Variants in ADAMTS17 observed in about 807,000 individuals in gnomAD.
ADAMTS17 encodes A disintegrin and metalloproteinase with thrombospondin motifs 17.
In ADAMTS17, 113 loss-of-function variants were observed where a neutral mutation model predicts 141.5. The ratio of observed to expected loss-of-function variants is 0.80; its 90% CI spans 0.69 to 0.93. The LOEUF (loss-of-function observed/expected upper bound fraction) is 0.93. Ranked by LOEUF, ADAMTS17 falls within the 40% of genes least tolerant of loss-of-function variation. The probability of loss-of-function intolerance (pLI) is 0.00; values close to 1 mark genes in which losing one functional copy is unlikely to be tolerated. For synonymous variants in ADAMTS17, 768 were observed against 630.6 expected (o/e 1.22, Z -3.27); for missense variants, 1,659 against 1,517.9 (o/e 1.09, Z -1.54).
chr15:100,255,976 G>C (rs547385646), intron 6 of ADAMTS17, among the ~76,000 whole-genome samples: 27 of 152,342 alleles, frequency 1.8e-4, no homozygotes, highest in Middle Eastern at 3.4e-3. Flanking sequence ...CTCAGTTAGA[G>C]GCCTGTCTTG....
chr15:100,338,398 C>CT (rs2046269017), intron 2 of ADAMTS17, among the ~76,000 whole-genome samples: 1 of 152,216 alleles, frequency 6.6e-6, no homozygotes, highest in Admixed American at 6.5e-5. Flanking sequence ...ACACTCTCTA[C>CT]TGAGCCCTTT....
At chr15:100,084,760 C>T (rs8037234) in intron 15 of ADAMTS17, among the ~76,000 whole-genome samples, 49,898 of 152,056 alleles carry the variant, frequency 0.33, 10,507 homozygotes, top group East Asian at 0.58. Flanking sequence ...CAGCAAAATC[C>T]AACAGACCTG....
chr15:100,210,033 G>A (rs1013481565), intron 7 of ADAMTS17, among the ~76,000 whole-genome samples: 1 of 152,030 alleles, frequency 6.6e-6, no homozygotes, highest in African/African-American at 2.4e-5. Flanking sequence ...AGGAGATCAA[G>A]ACCATCCTGG....
At chr15:100,128,277 G>T (rs9672401) in intron 12 of ADAMTS17, 1 of 152,068 alleles carries the variant, frequency 6.6e-6, no homozygotes, top group African/African-American at 2.4e-5. Context: ...CAGGCCCACA[G>T]CTAGCAGAGT....
intron 18 of ADAMTS17, among the ~76,000 whole-genome samples, chr15:100,025,339 T>G (rs2061487561): frequency 6.6e-6 from 1 of 151,994 alleles, no homozygotes; most frequent in Admixed American, 6.6e-5. Flanking sequence ...TTCTTTTAGG[T>G]GTGTTTTTTT....
chr15:100,181,428 T>A (rs2040521282), intron 8 of ADAMTS17, among the ~76,000 whole-genome samples: 1 of 152,228 alleles, frequency 6.6e-6, no homozygotes, highest in South Asian at 2.1e-4. Flanking sequence ...GGGTCTCACC[T>A]GAAGCCACCA....
intron 3 of ADAMTS17, among the ~76,000 whole-genome samples, chr15:100,281,683 G>A (rs2044289887): frequency 6.6e-6 from 1 of 152,198 alleles, no homozygotes; most frequent in South Asian, 2.1e-4. Context: ...GGGGAACAGA[G>A]GAGAAAACCC....
At chr15:100,134,274 T>G (rs2141251330) in intron 10 of ADAMTS17, among the ~76,000 whole-genome samples, 1 of 152,364 alleles carries the variant, frequency 6.6e-6, no homozygotes, top group Admixed American at 6.5e-5. Flanking sequence ...TGCACCTTTC[T>G]TGACTGCTCT....
Position 100,262,452 on chromosome 15 carries a change from A to T in ADAMTS17, c.790-17T>A, listed in dbSNP as rs765054408. 13 of 1,604,088 alleles carry T rather than the reference A, an allele frequency of 8.1e-6. No homozygotes were observed. The Admixed American group carries it at 2.2e-4, about 27-fold the overall frequency. ...ATTGTATACCTATCAAGACAGAAAA[A>T]AGAAATAAAGATATAAAGATAAAAA... is the stretch of plus-strand genomic sequence containing the variant. On this transcript the variant is annotated splice_polypyrimidine_tract_variant and intron_variant, in intron 4 of 21. Coordinates refer to ENST00000268070, the MANE Select transcript of ADAMTS17 (RefSeq NM_139057.4).
intron 8 of ADAMTS17, among the ~76,000 whole-genome samples, chr15:100,186,646 C>A (rs1176030275): frequency 6.6e-6 from 1 of 152,218 alleles, no homozygotes; most frequent in African/African-American, 2.4e-5. Flanking sequence ...AATAAGCATC[C>A]ATTGAGTAAG....
At chr15:100,160,909 G>A (rs2039662179) in intron 8 of ADAMTS17, among the ~76,000 whole-genome samples, 2 of 152,208 alleles carry the variant, frequency 1.3e-5, no homozygotes, top group Admixed American at 6.5e-5. Context: ...GCTATTTTTA[G>A]TTTAAATTAA....
At chr15:100,335,284 C>A (rs550211017) in intron 2 of ADAMTS17, among the ~76,000 whole-genome samples, 13 of 152,306 alleles carry the variant, frequency 8.5e-5, no homozygotes, top group African/African-American at 2.9e-4. Context: ...TTAATCCACA[C>A]GCCTGCCAGT....
chr15:100,138,255 T>A (rs144349175), intron 10 of ADAMTS17, among the ~76,000 whole-genome samples: 28 of 152,334 alleles, frequency 1.8e-4, no homozygotes, highest in African/African-American at 6.7e-4. Context: ...AATTCCATGG[T>A]TATGTCCAAT....
At chr15:100,291,601 T>C (rs192457669) in intron 3 of ADAMTS17, among the ~76,000 whole-genome samples, 1 of 152,278 alleles carries the variant, frequency 6.6e-6, no homozygotes, top group African/African-American at 2.4e-5. Context: ...TAGATGCCTA[T>C]CAATGGTAGA....
At chr15:100,237,790 A>G (rs1017272255) in intron 7 of ADAMTS17, among the ~76,000 whole-genome samples, 2 of 152,064 alleles carry the variant, frequency 1.3e-5, no homozygotes, top group East Asian at 3.9e-4. Context: ...CGCCTGGCCA[A>G]TTTTTATATT....
At chr15:99,992,377 TTG>T (rs1394607601) in intron 20 of ADAMTS17, among the ~76,000 whole-genome samples, 1 of 152,138 alleles carries the variant, frequency 6.6e-6, no homozygotes, top group African/African-American at 2.4e-5. Flanking sequence ...GGTACAGATT[TTG>T]TGAGAAGAGT....
At chr15:100,073,032 A>G (rs1042863845) in intron 15 of ADAMTS17, among the ~76,000 whole-genome samples, 6 of 152,238 alleles carry the variant, frequency 3.9e-5, no homozygotes, top group Non-Finnish European at 8.8e-5. Context: ...CAAAGGGCTA[A>G]TATCCAGAAT....
At chr15:100,095,539 TTAAAA>T (rs1281177026) in intron 15 of ADAMTS17, among the ~76,000 whole-genome samples, 2 of 152,048 alleles carry the variant, frequency 1.3e-5, no homozygotes, top group Non-Finnish European at 2.9e-5. Context: ...CTTGTGGAAA[TTAAAA>T]TAAGTTTCTC....
chr15:100,280,938 G>T (rs962837286), intron 4 of ADAMTS17, among the ~76,000 whole-genome samples: 1 of 152,152 alleles, frequency 6.6e-6, no homozygotes, highest in Non-Finnish European at 1.5e-5. Flanking sequence ...CGCTTGGAGT[G>T]GGTCTTATAC....
Sources: gnomAD v4.1 joint callset for allele counts (sites outside exome capture counted in the v4.1 genomes callset) on GRCh38, gnomAD v4.1.1 for gene constraint, MANE v1.5 for transcripts, NCBI Gene and HGNC (gene_info 2026-07-23, HGNC 2026-07-21) for gene names.